Variants in PARD3 observed in about 807,000 individuals in gnomAD.
The protein encoded by PARD3 is par-3 family cell polarity regulator.
Under a neutral mutation model 155.4 loss-of-function variants are expected in PARD3, and 75 were observed. That is an observed-to-expected ratio of 0.48 (90% CI 0.40 to 0.58). The LOEUF is 0.58. Among genes scored for constraint, PARD3 ranks in the 20% least tolerant of loss-of-function variants. The pLI is 0.00. For synonymous variants in PARD3, 576 were observed against 610.5 expected (o/e 0.94, Z 0.83); for missense variants, 1,642 against 1,721.7 (o/e 0.95, Z 0.82).
chr10:34,126,434 G>C (rs1947294753), intron 23 of PARD3, among the ~76,000 whole-genome samples: 3 of 152,134 alleles, frequency 2.0e-5, no homozygotes, highest in Non-Finnish European at 2.9e-5. Flanking sequence ...TTTGTGTGTG[G>C]GCATTTCTAA....
At chr10:34,471,214 G>A (rs938514609) in intron 3 of PARD3, among the ~76,000 whole-genome samples, 39 of 152,134 alleles carry the variant, frequency 2.6e-4, no homozygotes, top group African/African-American at 8.7e-4. Flanking sequence ...TTACACGAAA[G>A]GTAGTATTTT....
rs1472076513 is a variant in PARD3 at position 34,470,262 on chromosome 10, A to G, written c.405T>C (p.Asn135=). ...IEVTPSVLRA[N]MPLHVRRSSD... ...TACTGCGTCGAACATGAAGAGGCATATCTGTAAACACAAAAGCACTATGCT... is the reference window on the plus strand; with the variant it reads ...TACTGCGTCGAACATGAAGAGGCATGTCTGTAAACACAAAAGCACTATGCT... Residue 135 remains asparagine, a splice_region_variant and synonymous_variant, in exon 4 of 25, where the codon AAT becomes AAC. Coordinates refer to ENST00000374788, the MANE Select transcript of PARD3 (RefSeq NM_001184785.2). The G allele has an allele frequency of 3.8e-6, 6 of 1,586,044 alleles. No individual in the cohort carries two copies. The highest frequency in any genetic ancestry group is 5.2e-6 in the Non-Finnish European group (6 of 1,164,738).
At chr10:34,261,781 AAAAGAAAGAAAGAAAGAAAG>A (rs1158080569) in intron 22 of PARD3, among the ~76,000 whole-genome samples, 2,015 of 132,040 alleles carry the variant, frequency 0.015, 29 homozygotes, top group Non-Finnish European at 0.021. Context: ...AGAAAGAAAG[AAAAGAAAGAAAGAAAGAAAG>A]AAAGAAAGAA....
intron 15 of PARD3, chr10:34,345,551 T>C: frequency 1.0e-6 from 1 of 985,308 alleles, no homozygotes; most frequent in Non-Finnish European, 1.2e-6. Flanking sequence ...CCAAACAGTC[T>C]GAGGAATATC....
chr10:34,641,628 C>G (rs894896077), intron 2 of PARD3, among the ~76,000 whole-genome samples: 4 of 152,102 alleles, frequency 2.6e-5, no homozygotes, highest in African/African-American at 7.2e-5. Flanking sequence ...CCCAGCACCC[C>G]CTCACCGATG....
chr10:34,182,542 G>C (rs901388709), intron 22 of PARD3, among the ~76,000 whole-genome samples: 3 of 151,984 alleles, frequency 2.0e-5, no homozygotes, highest in Non-Finnish European at 4.4e-5. Flanking sequence ...TTGAATTTTT[G>C]GGACATCTAC....
chr10:34,740,848 TA>T (rs2094996811), intron 1 of PARD3, among the ~76,000 whole-genome samples: 1 of 152,184 alleles, frequency 6.6e-6, no homozygotes, highest in African/African-American at 2.4e-5. Context: ...AAACAGTGGT[TA>T]AATTTTTTTT....
chr10:34,303,162 A>ATTTTTTTTTTTTTTTTTTT (rs5784409), intron 20 of PARD3, among the ~76,000 whole-genome samples: 16 of 131,970 alleles, frequency 1.2e-4, no homozygotes, highest in African/African-American at 3.9e-4. Context: ...GCCCAGGTGA[A>ATTTTTTTTTTTTTTTTTTT]TTTTTTTTTT....
intron 22 of PARD3, among the ~76,000 whole-genome samples, chr10:34,238,790 A>T (rs1186804048): frequency 6.6e-6 from 1 of 152,196 alleles, no homozygotes; most frequent in Non-Finnish European, 1.5e-5. Context: ...TGAGTAACTC[A>T]TAAAATGGAG....
chr10:34,258,085 C>T (rs903312446), intron 22 of PARD3, among the ~76,000 whole-genome samples: 3 of 152,198 alleles, frequency 2.0e-5, no homozygotes, highest in African/African-American at 7.2e-5. Context: ...CAATATGACA[C>T]AGTCTGATAT....
rs983731257 is a variant in PARD3, at chr10:34,346,253, AG to A, written c.2218+1711del. 1.7e-5 allele frequency: 20 copies of A among 1,154,590 alleles called. No homozygotes were observed. The African/African-American group carries it at 2.8e-4, about 16-fold the overall frequency. The allele number at this position is 1,154,590 out of a possible 1,614,324, so 71.5% of individuals were successfully genotyped here. ...GCTAACAAAATCGGGGCAACAGACT[AG>A]GAAGAAAATGAATGACTCTTCAACT... On this transcript the variant is annotated intron_variant, in intron 15 of 24. Coordinates refer to ENST00000374788, the MANE Select transcript of PARD3 (RefSeq NM_001184785.2).
At chr10:34,605,560 C>CATA (rs2090212252) in intron 2 of PARD3, among the ~76,000 whole-genome samples, 2 of 14,568 alleles carry the variant, frequency 1.4e-4, no homozygotes, top group African/African-American at 2.1e-3. Flanking sequence ...TATATATCTC[C>CATA]TATATATATA....
intron 22 of PARD3, among the ~76,000 whole-genome samples, chr10:34,137,066 C>T (rs933684924): frequency 3.3e-5 from 5 of 152,136 alleles, no homozygotes; most frequent in African/African-American, 7.2e-5. Flanking sequence ...CACTCCTCTA[C>T]CCTTGAATGT....
chr10:34,377,783 A>G (rs1420934799), intron 10 of PARD3, among the ~76,000 whole-genome samples, 184 bp downstream of exon 10: 3 of 152,100 alleles, frequency 2.0e-5, no homozygotes, highest in African/African-American at 7.2e-5. Flanking sequence ...AACAATTAAA[A>G]AAATATATAT....
At chr10:34,571,740 T>C (rs1015050861) in intron 2 of PARD3, among the ~76,000 whole-genome samples, 3 of 152,216 alleles carry the variant, frequency 2.0e-5, no homozygotes, top group Non-Finnish European at 4.4e-5. Context: ...CCTAGTAAGG[T>C]TGAACCAACA....
intron 2 of PARD3, among the ~76,000 whole-genome samples, chr10:34,577,443 C>T (rs765133443): frequency 1.9e-4 from 29 of 152,128 alleles, no homozygotes; most frequent in Non-Finnish European, 3.2e-4. Flanking sequence ...GACCTTGCAC[C>T]GAAGCACAAG....
At chr10:34,657,494 C>CT (rs2093204252) in intron 2 of PARD3, among the ~76,000 whole-genome samples, 1 of 151,988 alleles carries the variant, frequency 6.6e-6, no homozygotes, top group Non-Finnish European at 1.5e-5. Context: ...TAGTAATTAA[C>CT]ACATCACTGT....
chr10:34,187,005 A>AG (rs1564465665), intron 22 of PARD3, among the ~76,000 whole-genome samples: 1 of 152,204 alleles, frequency 6.6e-6, no homozygotes, highest in Non-Finnish European at 1.5e-5. Context: ...TTTAATTGAT[A>AG]GTATGAACTC....
intron 2 of PARD3, among the ~76,000 whole-genome samples, chr10:34,630,483 C>G (rs1169686958): frequency 1.3e-5 from 2 of 149,168 alleles, no homozygotes; most frequent in African/African-American, 5.0e-5. Flanking sequence ...GGGTCTTCCT[C>G]TATTACACAG....
Sources: gnomAD v4.1 joint callset for allele counts (sites outside exome capture counted in the v4.1 genomes callset) on GRCh38, gnomAD v4.1.1 for gene constraint, MANE v1.5 for transcripts, NCBI Gene and HGNC (gene_info 2026-07-23, HGNC 2026-07-21) for gene names.